The following ACOT11 variants were observed in gnomAD, a reference collection of about 807,000 sequenced individuals.
ACOT11 encodes acyl-CoA thioesterase 11, also known as acyl-coenzyme A thioesterase 11.
ACOT11 carries 69 observed loss-of-function variants against 77.5 expected under a neutral mutation model. The ratio of observed to expected loss-of-function variants is 0.89; its 90% CI spans 0.73 to 1.09. ACOT11 has a LOEUF of 1.09. Among genes scored for constraint, ACOT11 ranks in the 50% least tolerant of loss-of-function variants. ACOT11 has a pLI of 0.00. For missense variants in ACOT11, 766 were observed against 813.7 expected (o/e 0.94, Z 0.71); for synonymous variants, 279 against 313.0 (o/e 0.89, Z 1.15).
chr1:54,629,037 C>T (rs1339723336), intron 15 of ACOT11, among the ~76,000 whole-genome samples: 2 of 100,988 alleles, frequency 2.0e-5, no homozygotes, highest in African/African-American at 6.8e-5. Context: ...CCAGCCTGGG[C>T]GACAGAGCAA....
rs1259006411 is a variant in ACOT11 at position 54,594,543 on chromosome 1, C to G, written c.472-13C>G. The G allele has an allele frequency of 4.4e-6, 7 of 1,608,884 alleles. No homozygotes were observed. Among genetic ancestry groups the G allele is most frequent in the Admixed American group, 1.7e-5 (1 of 59,628 alleles). ...TGCCCTGAGTGTCCCCCACCCTGTC[C>G]CCTGGCCGACAGGTGAAGCTGAAGC... On this transcript the variant is annotated splice_polypyrimidine_tract_variant and intron_variant, in intron 5 of 15. Coordinates refer to ENST00000343744, the MANE Select transcript of ACOT11 (RefSeq NM_147161.4).
Position 54,558,384 on chromosome 1 carries a change from C to A in ACOT11, c.33+10042C>A, listed in dbSNP as rs568592354. 7.2e-5 allele frequency among the ~76,000 whole-genome samples: 11 copies of A among 152,216 alleles called. No individual in the cohort carries two copies. The East Asian group carries it at 2.1e-3, about 29-fold the overall frequency. On this transcript the variant is annotated intron_variant, in intron 1 of 15. Transcript: ENST00000343744. ...ACTCTGTGAAGTAGATAATTGTGTC[C>A]GTATTAAAGATGAAACTGAGACAGA...
chr1:54,623,423 A>G, intron 15 of ACOT11: 1 of 1,569,716 alleles, frequency 6.4e-7, no homozygotes, highest in Non-Finnish European at 8.8e-7. Flanking sequence ...AATGCCCCCA[A>G]CTCCGTGCGG....
chr1:54,582,605 C>CAG (rs1654350548), intron 1 of ACOT11: 1 of 818,010 alleles, frequency 1.2e-6, no homozygotes, highest in South Asian at 5.6e-5. Flanking sequence ...AGGTGAGAAG[C>CAG]AGAGAGAGGA....
intron 1 of ACOT11, among the ~76,000 whole-genome samples, chr1:54,562,402 C>T (rs1292535975): frequency 1.3e-5 from 1 of 76,026 alleles, no homozygotes; most frequent in Admixed American, 9.7e-5. Flanking sequence ...CGGGCAGAGG[C>T]GCCCCTCACC....
intron 4 of ACOT11, 143 bp downstream of exon 4, chr1:54,592,749 G>A: frequency 1.3e-6 from 1 of 786,560 alleles, no homozygotes; most frequent in Non-Finnish European, 1.9e-6. Flanking sequence ...GGTTGGCAGA[G>A]CAAGGGGAAT....
At chr1:54,615,920 G>A (rs1484461215) in intron 15 of ACOT11, 8 of 1,249,642 alleles carry the variant, frequency 6.4e-6, no homozygotes, top group Middle Eastern at 2.6e-4. Flanking sequence ...TGAGCACCTC[G>A]TGTCAGGGCT....
At chr1:54,559,643 A>G (rs1034514451) in intron 1 of ACOT11, among the ~76,000 whole-genome samples, 8 of 151,876 alleles carry the variant, frequency 5.3e-5, no homozygotes, top group East Asian at 1.9e-4. Flanking sequence ...CAGTGGTTCA[A>G]TGGTAGGGTC....
At chr1:54,560,726 A>ATTT (rs11455599) in intron 1 of ACOT11, among the ~76,000 whole-genome samples, 1 of 142,486 alleles carries the variant, frequency 7.0e-6, no homozygotes, top group Admixed American at 7.0e-5. Context: ...ATGCTTGGCT[A>ATTT]TTTTTTTTTT....
At position 54,609,084 on chromosome 1, in the gene ACOT11, A is replaced by G. The variant is rs1484465374; in HGVS notation, c.1757A>G (p.Asp586Gly). Residue 586 changes from aspartate to glycine, a missense_variant, in exon 16 of 16, where the codon GAT becomes GGT. Asp to Gly is a moderately conservative substitution (Grantham distance 94). Transcript: ENST00000343744. ...CEQFLLDNRN[D>G]LAPSLQTL ...CAGTTTCTCTTGGACAACCGGAATG[A>G]TCTGGCCCCCAGCCTCCAGACCCTC... 1 of 1,614,074 alleles carries G rather than the reference A, an allele frequency of 6.2e-7. No homozygotes were observed. Among genetic ancestry groups the G allele is most frequent in the East Asian group, 2.2e-5 (1 of 44,884 alleles).
chr1:54,561,083 T>TG (rs370487523), intron 1 of ACOT11, among the ~76,000 whole-genome samples: 1 of 22,946 alleles, frequency 4.4e-5, no homozygotes, highest in Non-Finnish European at 8.6e-5. Context: ...TGATTTTTTA[T>TG]TTTTTTTATT....
intron 6 of ACOT11, among the ~76,000 whole-genome samples, chr1:54,596,674 A>G (rs528278714): frequency 1.3e-5 from 2 of 152,214 alleles, no homozygotes; most frequent in African/African-American, 4.8e-5. Flanking sequence ...CCCAGGTTCA[A>G]GTGATTCTCG....
intron 1 of ACOT11, among the ~76,000 whole-genome samples, chr1:54,563,008 G>A (rs1432091931): frequency 3.4e-5 from 5 of 148,774 alleles, no homozygotes; most frequent in African/African-American, 7.5e-5. Flanking sequence ...ACGGGGTGGC[G>A]GCCGGGCAGA....
intron 1 of ACOT11, among the ~76,000 whole-genome samples, chr1:54,558,540 G>A (rs1296691590): frequency 4.6e-5 from 7 of 152,296 alleles, no homozygotes; most frequent in African/African-American, 1.2e-4. Flanking sequence ...CTGAGCAGAC[G>A]ACAGCTGAGC....
At chr1:54,602,889 G>C (rs574481809) in intron 10 of ACOT11, among the ~76,000 whole-genome samples, 165 bp downstream of exon 10, 2 of 152,234 alleles carry the variant, frequency 1.3e-5, no homozygotes, top group South Asian at 4.1e-4. Flanking sequence ...CTTCTGGCCT[G>C]TTGTACACAC....
At chr1:54,605,027 C>T (rs765490559) in intron 12 of ACOT11, 49 bp from the exon 13 acceptor site, 2 of 1,565,366 alleles carry the variant, frequency 1.3e-6, no homozygotes, top group Non-Finnish European at 1.7e-6. Flanking sequence ...GCATCCCCAT[C>T]AGTCCACTCC....
chr1:54,593,811 C>T, intron 4 of ACOT11, 130 bp from the exon 5 acceptor site: 1 of 749,672 alleles, frequency 1.3e-6, no homozygotes, highest in East Asian at 2.6e-5. Context: ...CCTCCCAGAC[C>T]TGGTAGGTGG....
rs372058248 is a variant in ACOT11, at chr1:54,609,632, G to A, written c.*520G>A. 33 of 1,613,674 alleles carry A rather than the reference G, an allele frequency of 2.0e-5. No individual in the cohort carries two copies. The highest frequency in any genetic ancestry group is 2.6e-5 in the Non-Finnish European group (31 of 1,180,040). ...GTGGGGGAAGACCTCAGCCACAGCT[G>A]TAAGCAGCTCTCTGCCAGCCACATG... is the stretch of plus-strand genomic sequence containing the variant. On this transcript the variant is annotated 3_prime_UTR_variant, in exon 16 of 16. Transcript: ENST00000343744.
chr1:54,592,364 G>A (rs941367857), intron 3 of ACOT11, among the ~76,000 whole-genome samples, 182 bp from the exon 4 acceptor site: 1 of 152,252 alleles, frequency 6.6e-6, no homozygotes, highest in Non-Finnish European at 1.5e-5. Context: ...GTAAAGTGGG[G>A]TGCTGACACT....
Sources: allele counts gnomAD v4.1 joint callset (sites outside exome capture counted in the v4.1 genomes callset), GRCh38; gene constraint gnomAD v4.1.1; transcripts MANE v1.5; gene names NCBI Gene and HGNC (gene_info 2026-07-23, HGNC 2026-07-21).